The following DMD variants were observed in gnomAD, a reference collection of about 807,000 sequenced individuals.
The protein encoded by DMD is mutant dystrophin.
A neutral mutation model predicts 330.1 loss-of-function variants in DMD; 63 were observed. The observed-to-expected ratio is 0.19, with a 90% CI of 0.16 to 0.24. The LOEUF is 0.24. Among genes scored for constraint, DMD ranks in the 10% least tolerant of loss-of-function variants. DMD has a pLI of 1.00. For synonymous variants in DMD, 1,223 were observed against 959.8 expected, an observed-to-expected ratio of 1.27 and a Z score of -5.07; for missense variants, 3,344 against 2,684.1, an observed-to-expected ratio of 1.25 and a Z score of -5.43.
At chrX:31,543,160 T>C (rs6527101) in intron 55 of DMD, among the ~76,000 whole-genome samples, 21,679 of 108,875 alleles carry the variant, frequency 0.2, 2,222 homozygotes, top group African/African-American at 0.37. Context: ...TTATTTTTTA[T>C]TTTTTATTTT....
intron 1 of DMD, among the ~76,000 whole-genome samples, chrX:33,202,743 C>A (rs2051349031): frequency 9.0e-6 from 1 of 111,552 alleles, no homozygotes; most frequent in Non-Finnish European, 1.9e-5. Context: ...CATAAGTAAT[C>A]ATTTATGATT....
intron 45 of DMD, among the ~76,000 whole-genome samples, chrX:31,956,565 C>A (rs2095248124): frequency 9.0e-6 from 1 of 111,589 alleles, no homozygotes. Flanking sequence ...AAGATAGGAC[C>A]AAGTGCTAAT....
intron 9 of DMD, among the ~76,000 whole-genome samples, chrX:32,650,818 C>G (rs1048443337): frequency 8.9e-6 from 1 of 111,977 alleles, no homozygotes; most frequent in Non-Finnish European, 1.9e-5. Flanking sequence ...CAACTACTAC[C>G]GCATATACAA....
chrX:32,103,258 C>A (rs2096548431), intron 44 of DMD, among the ~76,000 whole-genome samples: 1 of 111,860 alleles, frequency 8.9e-6, no homozygotes, highest in African/African-American at 3.2e-5. Context: ...GATATGAGAA[C>A]TATAATGTTG....
chrX:32,491,178 T>C (rs1021617434), intron 20 of DMD, 99 bp downstream of exon 20: 21 of 1,042,625 alleles, frequency 2.0e-5, no homozygotes, highest in Non-Finnish European at 2.8e-5. Context: ...CCTTAGAAGG[T>C]GAACGTTTCA....
intron 52 of DMD, 85 bp from the exon 53 acceptor site, chrX:31,679,671 A>C: frequency 3.3e-5 from 26 of 785,426 alleles, no homozygotes; most frequent in Non-Finnish European, 4.9e-5. Context: ...ACGTTATCTC[A>C]CATTTATGTT....
intron 1 of DMD, among the ~76,000 whole-genome samples, chrX:33,082,900 T>G (rs1393851898): frequency 8.9e-6 from 1 of 112,292 alleles, no homozygotes; most frequent in Non-Finnish European, 1.9e-5. Context: ...GTGATATCCC[T>G]CTCTCCATTA....
At chrX:32,054,830 GAGGGAAGGGA>G (rs1177908440) in intron 44 of DMD, among the ~76,000 whole-genome samples, 1 of 91,358 alleles carries the variant, frequency 1.1e-5, no homozygotes. Flanking sequence ...TGAGAGAGGG[GAGGGAAGGGA>G]AGGGAAGGGA....
At chrX:31,779,056 C>A (rs950392027) in intron 50 of DMD, among the ~76,000 whole-genome samples, 25 of 111,532 alleles carry the variant, frequency 2.2e-4, no homozygotes, top group Admixed American at 5.7e-4. Context: ...ACAGTCTGAG[C>A]AACCTGTTCA....
chrX:31,142,319 GA>G (rs1007635382), intron 76 of DMD, among the ~76,000 whole-genome samples: 3 of 108,305 alleles, frequency 2.8e-5, no homozygotes, highest in Non-Finnish European at 3.8e-5. Flanking sequence ...GTGGATCAGT[GA>G]AAAAAAAATC....
chrX:33,123,388 T>C (rs1394965591), intron 1 of DMD, among the ~76,000 whole-genome samples: 2 of 111,363 alleles, frequency 1.8e-5, no homozygotes, highest in Non-Finnish European at 3.8e-5. Context: ...TATTGTATCC[T>C]GAAAGTCTCA....
intron 16 of DMD, among the ~76,000 whole-genome samples, chrX:32,565,360 G>A (rs976233887): frequency 5.4e-5 from 6 of 111,482 alleles, no homozygotes; most frequent in Admixed American, 4.8e-4. Flanking sequence ...AAACGGAGTT[G>A]GCTAATGTTC....
intron 1 of DMD, among the ~76,000 whole-genome samples, chrX:33,284,467 C>T (rs999844494): frequency 1.8e-5 from 2 of 109,999 alleles, no homozygotes; most frequent in African/African-American, 6.6e-5. Context: ...CTTTTTAAGA[C>T]AGGTGAATAG....
chrX:32,535,085 T>C (rs747601137), intron 17 of DMD, among the ~76,000 whole-genome samples: 1 of 111,669 alleles, frequency 9.0e-6, no homozygotes, highest in Non-Finnish European at 1.9e-5. Flanking sequence ...AATGTAAACG[T>C]TCTTCAAGAC....
chrX:32,732,594 TG>T (rs1007635967), intron 7 of DMD, among the ~76,000 whole-genome samples: 3 of 110,300 alleles, frequency 2.7e-5, no homozygotes, highest in African/African-American at 9.9e-5. Flanking sequence ...CAGAAGAGAG[TG>T]GGGGCCAATA....
intron 45 of DMD, among the ~76,000 whole-genome samples, chrX:31,954,519 G>A (rs1448117647): frequency 1.8e-5 from 2 of 111,755 alleles, no homozygotes; most frequent in Non-Finnish European, 3.8e-5. Flanking sequence ...TAAAGAAAAT[G>A]TGATATATAT....
At chrX:33,183,895 G>A (rs756068121) in intron 1 of DMD, among the ~76,000 whole-genome samples, 6 of 111,320 alleles carry the variant, frequency 5.4e-5, no homozygotes, top group Non-Finnish European at 9.4e-5. Context: ...ATTTCATTAA[G>A]CCTCTAAGTC....
chrX:31,205,662 C>G (rs1020223821), intron 66 of DMD, among the ~76,000 whole-genome samples: 6 of 112,259 alleles, frequency 5.3e-5, no homozygotes, highest in East Asian at 2.8e-4. Context: ...TTCTCTCGTT[C>G]TGAGGATGAG....
chrX:32,479,258 A>G (rs995021108), intron 21 of DMD, among the ~76,000 whole-genome samples: 1 of 111,273 alleles, frequency 9.0e-6, no homozygotes, highest in Non-Finnish European at 1.9e-5. Context: ...CATATTAATC[A>G]CCTCACCAAC....
Sources: allele counts gnomAD v4.1 joint callset (sites outside exome capture counted in the v4.1 genomes callset), GRCh38; gene constraint gnomAD v4.1.1; transcripts MANE v1.5; gene names NCBI Gene and HGNC (gene_info 2026-07-23, HGNC 2026-07-21).